Variants in RNF150 observed in about 807,000 individuals in gnomAD.
The protein encoded by RNF150 is ring finger protein 150.
A neutral mutation model predicts 39.3 loss-of-function variants in RNF150; 24 were observed. That is an observed-to-expected ratio of 0.61 (90% CI 0.44 to 0.86). RNF150 has a LOEUF of 0.86. RNF150 is among the 40% of genes least tolerant of loss of function. RNF150 has a pLI of 0.00. For synonymous variants in RNF150, 255 were observed against 227.3 expected (o/e 1.12, Z -1.10); for missense variants, 502 against 587.8 (o/e 0.85, Z 1.51).
intron 1 of RNF150, among the ~76,000 whole-genome samples, chr4:141,185,854 AC>A (rs1727998761): frequency 6.6e-6 from 1 of 152,174 alleles, no homozygotes; most frequent in African/African-American, 2.4e-5. Context: ...CATTTGTTGA[AC>A]CAGCTTTGCA....
intron 4 of RNF150, among the ~76,000 whole-genome samples, chr4:140,927,208 G>A (rs1731433156): frequency 6.6e-6 from 1 of 152,146 alleles, no homozygotes; most frequent in Admixed American, 6.5e-5. Flanking sequence ...CTGCATAGAG[G>A]ATATGATCAG....
At chr4:140,880,605 G>T (rs545822878) in intron 6 of RNF150, among the ~76,000 whole-genome samples, 1 of 149,518 alleles carries the variant, frequency 6.7e-6, no homozygotes, top group Admixed American at 6.7e-5. Context: ...TTAAATGTTT[G>T]GGATAATTCT....
intron 1 of RNF150, among the ~76,000 whole-genome samples, chr4:141,019,033 AATATATATATATATATAT>A (rs10527652): frequency 0.36 from 45,218 of 126,256 alleles, 9,364 homozygotes; most frequent in Non-Finnish European, 0.44. Context: ...ACTGCAAAGA[AATATATATATATATATAT>A]ATATATATAT....
intron 1 of RNF150, among the ~76,000 whole-genome samples, chr4:141,126,598 A>T (rs1347222108): frequency 6.6e-6 from 1 of 152,180 alleles, no homozygotes; most frequent in African/African-American, 2.4e-5. Context: ...GATGGTAAAA[A>T]GTGATGGAGA....
intron 1 of RNF150, among the ~76,000 whole-genome samples, chr4:141,186,400 T>C (rs193185170): frequency 6.6e-6 from 1 of 152,088 alleles, no homozygotes; most frequent in Non-Finnish European, 1.5e-5. Flanking sequence ...TTTTTTATTC[T>C]TTTAGTCTTG....
chr4:141,073,439 T>C (rs1314607877), intron 1 of RNF150, among the ~76,000 whole-genome samples: 1 of 152,178 alleles, frequency 6.6e-6, no homozygotes, highest in Non-Finnish European at 1.5e-5. Context: ...TGTGCCTCAG[T>C]ATTTAAATTT....
intron 1 of RNF150, among the ~76,000 whole-genome samples, chr4:141,205,578 G>T (rs1315024095): frequency 6.6e-6 from 1 of 152,132 alleles, no homozygotes; most frequent in Non-Finnish European, 1.5e-5. Context: ...TCCAGGGTTT[G>T]TTCATGAGTG....
At chr4:140,973,182 T>G (rs557189537) in intron 1 of RNF150, among the ~76,000 whole-genome samples, 50 of 152,294 alleles carry the variant, frequency 3.3e-4, no homozygotes, top group African/African-American at 1.2e-3. Flanking sequence ...ATATACAATT[T>G]AATGTTGTCA....
intron 6 of RNF150, among the ~76,000 whole-genome samples, chr4:140,880,849 C>T (rs1022302322): frequency 2.0e-5 from 3 of 151,966 alleles, no homozygotes; most frequent in Non-Finnish European, 4.4e-5. Context: ...ATTTCTTTGG[C>T]ATTAGTTGTA....
rs945061622 is a variant in RNF150, at chr4:141,101,350, T to C, written c.484+30975A>G. On this transcript the variant is annotated intron_variant, in intron 1 of 6. Coordinates refer to ENST00000515673, the MANE Select transcript of RNF150 (RefSeq NM_020724.2). ...TTCTTGTTAAAAACAAAGACACAAA[T>C]ACACACATTAGCCTAGGCCTACACA... is the stretch of plus-strand genomic sequence containing the variant. Among the ~76,000 whole-genome samples the C allele has an allele frequency of 6.2e-4, 95 of 152,152 alleles. 2 individuals carry two copies. Among genetic ancestry groups the C allele is most frequent in the Non-Finnish European group, 1.9e-4 (13 of 68,042 alleles).
chr4:140,947,471 A>G (rs568270214), intron 4 of RNF150, among the ~76,000 whole-genome samples, 183 bp downstream of exon 4: 1 of 152,298 alleles, frequency 6.6e-6, no homozygotes, highest in African/African-American at 2.4e-5. Flanking sequence ...TTCATGATAC[A>G]GTGTTTTCAA....
intron 1 of RNF150, among the ~76,000 whole-genome samples, chr4:141,116,698 T>A (rs1739559299): frequency 6.6e-6 from 1 of 152,216 alleles, no homozygotes; most frequent in Non-Finnish European, 1.5e-5. Context: ...CACATATGTT[T>A]ATTTCAGCAC....
intron 1 of RNF150, among the ~76,000 whole-genome samples, chr4:141,140,220 A>G (rs1727095528): frequency 6.6e-6 from 1 of 152,194 alleles, no homozygotes; most frequent in African/African-American, 2.4e-5. Context: ...TTGTTCTCTT[A>G]CTAACTTCTT....
chr4:141,015,999 G>A (rs1462972240), intron 1 of RNF150, among the ~76,000 whole-genome samples: 5 of 152,188 alleles, frequency 3.3e-5, no homozygotes, highest in East Asian at 1.9e-4. Context: ...CACTCTCCAC[G>A]TCCTGAATTC....
intron 1 of RNF150, among the ~76,000 whole-genome samples, chr4:141,028,643 A>G (rs1320842673): frequency 2.0e-5 from 3 of 152,170 alleles, no homozygotes; most frequent in Admixed American, 1.3e-4. Flanking sequence ...AAAGTTAAAT[A>G]TTGATTATGA....
intron 1 of RNF150, among the ~76,000 whole-genome samples, chr4:141,081,710 C>T (rs774397868): frequency 6.6e-6 from 1 of 152,146 alleles, no homozygotes; most frequent in African/African-American, 2.4e-5. Flanking sequence ...TGTAAGTACG[C>T]GTGTGTGTAC....
chr4:141,126,523 T>C, intron 1 of RNF150, among the ~76,000 whole-genome samples: 1 of 152,104 alleles, frequency 6.6e-6, no homozygotes, highest in East Asian at 1.9e-4. Context: ...AAAGATGGAG[T>C]CCCATGCACT....
At chr4:141,051,201 C>T (rs1736764130) in intron 1 of RNF150, among the ~76,000 whole-genome samples, 1 of 152,162 alleles carries the variant, frequency 6.6e-6, no homozygotes, top group African/African-American at 2.4e-5. Context: ...TCCTAGACTG[C>T]ACACAGCATG....
intron 1 of RNF150, among the ~76,000 whole-genome samples, chr4:141,194,094 A>C (rs1268152559): frequency 6.6e-6 from 1 of 152,226 alleles, no homozygotes; most frequent in Admixed American, 6.5e-5. Context: ...ACGACAAACT[A>C]TACATTTCCA....
Sources: gnomAD v4.1 joint callset for allele counts (sites outside exome capture counted in the v4.1 genomes callset) on GRCh38, gnomAD v4.1.1 for gene constraint, MANE v1.5 for transcripts, NCBI Gene and HGNC (gene_info 2026-07-23, HGNC 2026-07-21) for gene names.